The following INPP4B variants were observed in gnomAD, a reference collection of about 807,000 sequenced individuals.
INPP4B encodes inositol polyphosphate 4-phosphatase type II.
A neutral mutation model predicts 122.5 loss-of-function variants in INPP4B; 55 were observed. That is an observed-to-expected ratio of 0.45 (90% CI 0.36 to 0.56). The LOEUF (loss-of-function observed/expected upper bound fraction) is 0.56, where lower values mean the gene tolerates loss of function less well. Ranked by LOEUF, INPP4B falls within the 20% of genes least tolerant of loss-of-function variation. The pLI is 0.00. For missense variants in INPP4B, 1,000 were observed against 1,097.7 expected (o/e 0.91, Z 1.26); for synonymous variants, 403 against 388.7 (o/e 1.04, Z -0.43).
intron 2 of INPP4B, among the ~76,000 whole-genome samples, chr4:142,638,663 C>T (rs938528720): frequency 1.1e-4 from 16 of 151,712 alleles, no homozygotes; most frequent in African/African-American, 3.9e-4. Flanking sequence ...CCCACCTCAG[C>T]CTCCCAAGAG....
chr4:142,097,589 C>G (rs1782535615), intron 23 of INPP4B, among the ~76,000 whole-genome samples: 2 of 151,948 alleles, frequency 1.3e-5, no homozygotes, highest in South Asian at 2.1e-4. Context: ...TTATTTTGCC[C>G]TATAGTAGCC....
chr4:142,432,855 C>T (rs1426881724), intron 3 of INPP4B, among the ~76,000 whole-genome samples: 1 of 152,096 alleles, frequency 6.6e-6, no homozygotes, highest in East Asian at 1.9e-4. Context: ...CAAAATAACA[C>T]CTCAGCACAC....
intron 1 of INPP4B, among the ~76,000 whole-genome samples, chr4:142,749,338 C>T (rs1233445859): frequency 6.8e-6 from 1 of 146,460 alleles, no homozygotes; most frequent in Non-Finnish European, 1.5e-5. Context: ...TAAGACAATA[C>T]ATAAAAGTGG....
At chr4:142,289,635 G>A (rs185907480) in intron 9 of INPP4B, among the ~76,000 whole-genome samples, 1 of 152,162 alleles carries the variant, frequency 6.6e-6, no homozygotes, top group Non-Finnish European at 1.5e-5. Context: ...TGCAGTAGTT[G>A]GTTTTCTTTT....
intron 3 of INPP4B, among the ~76,000 whole-genome samples, chr4:142,441,429 G>A (rs1048194977): frequency 6.6e-6 from 1 of 152,100 alleles, no homozygotes; most frequent in Non-Finnish European, 1.5e-5. Context: ...TAACCTATCA[G>A]GAGAGAATAA....
chr4:142,214,319 T>C (rs1846129586), intron 12 of INPP4B, among the ~76,000 whole-genome samples: 1 of 152,154 alleles, frequency 6.6e-6, no homozygotes, highest in Admixed American at 6.5e-5. Context: ...ATAGCAGAGT[T>C]GTTTCTCACC....
intron 23 of INPP4B, among the ~76,000 whole-genome samples, chr4:142,102,532 G>A (rs1290136608): frequency 6.8e-6 from 1 of 146,968 alleles, no homozygotes; most frequent in Non-Finnish European, 1.5e-5. Context: ...GTGAGAGAAA[G>A]TGTTGTATCA....
intron 5 of INPP4B, among the ~76,000 whole-genome samples, chr4:142,416,050 G>A (rs1445182870): frequency 6.6e-6 from 1 of 152,036 alleles, no homozygotes; most frequent in Non-Finnish European, 1.5e-5. Context: ...TATACCTAAT[G>A]CTAAATGATG....
intron 9 of INPP4B, among the ~76,000 whole-genome samples, chr4:142,281,300 T>A (rs570862487): frequency 3.7e-4 from 56 of 151,354 alleles, no homozygotes; most frequent in Non-Finnish European, 5.0e-4. Flanking sequence ...GATACACTTA[T>A]AAGGCCAGGT....
At chr4:142,631,074 T>C (rs1307394909) in intron 2 of INPP4B, among the ~76,000 whole-genome samples, 2 of 152,026 alleles carry the variant, frequency 1.3e-5, no homozygotes, top group Non-Finnish European at 2.9e-5. Context: ...TAATCCAAAA[T>C]ATGGACACAA....
upstream of INPP4B, chr4:142,846,461 C>A (rs1039243513): frequency 2.0e-5 from 3 of 152,358 alleles, no homozygotes; most frequent in African/African-American, 2.4e-5. This position sits in a 1 kb window ranked among gnomAD's most constrained non-coding sequence, Gnocchi z 5.1. Context: ...CGGCCGCGCT[C>A]CCTGCTCGCT....
intron 25 of INPP4B, among the ~76,000 whole-genome samples, chr4:142,040,141 G>A (rs2152324325): frequency 6.6e-6 from 1 of 152,114 alleles, no homozygotes; most frequent in South Asian, 2.1e-4. Context: ...GGAGGAAGGA[G>A]AGGGAGAGAC....
At chr4:142,316,927 A>C (rs1415065056) in intron 7 of INPP4B, among the ~76,000 whole-genome samples, 2 of 152,202 alleles carry the variant, frequency 1.3e-5, no homozygotes, top group Non-Finnish European at 2.9e-5. Flanking sequence ...ATAATGCCCC[A>C]GTGTTTCTTG....
At chr4:142,288,214 T>C (rs1371299153) in intron 9 of INPP4B, among the ~76,000 whole-genome samples, 1 of 152,222 alleles carries the variant, frequency 6.6e-6, no homozygotes, top group Non-Finnish European at 1.5e-5. Flanking sequence ...TTAATATTGG[T>C]CATTATTTCT....
intron 2 of INPP4B, among the ~76,000 whole-genome samples, chr4:142,510,595 T>G (rs1413981411): frequency 6.6e-6 from 1 of 152,186 alleles, no homozygotes; most frequent in Non-Finnish European, 1.5e-5. Context: ...GCAAATTAAT[T>G]TGGCTTATTA....
intron 7 of INPP4B, among the ~76,000 whole-genome samples, chr4:142,395,406 T>C (rs1799037610): frequency 6.6e-6 from 1 of 152,202 alleles, no homozygotes; most frequent in South Asian, 2.1e-4. Flanking sequence ...TCAAGCGAAC[T>C]ATAAAAATAA....
intron 12 of INPP4B, among the ~76,000 whole-genome samples, chr4:142,234,424 C>G (rs1300235321): frequency 6.6e-6 from 1 of 151,932 alleles, no homozygotes; most frequent in African/African-American, 2.4e-5. Context: ...TTAGTTGGTT[C>G]TCTTTGTATA....
chr4:142,336,911 T>G (rs2151624474), intron 7 of INPP4B, among the ~76,000 whole-genome samples: 1 of 152,346 alleles, frequency 6.6e-6, no homozygotes, highest in Non-Finnish European at 1.5e-5. Flanking sequence ...TTCTGAGACT[T>G]TCTCCTAATA....
At chr4:142,226,400 T>C (rs1851603977) in intron 12 of INPP4B, among the ~76,000 whole-genome samples, 1 of 152,226 alleles carries the variant, frequency 6.6e-6, no homozygotes, top group African/African-American at 2.4e-5. Context: ...AAAGAGGTTG[T>C]TTTTTGATAG....
Sources: gnomAD v4.1 joint callset for allele counts (sites outside exome capture counted in the v4.1 genomes callset) on GRCh38, gnomAD v4.1.1 for gene constraint, Gnocchi (gnomAD v3.1) non-coding constraint, MANE v1.5 for transcripts, NCBI Gene and HGNC (gene_info 2026-07-23, HGNC 2026-07-21) for gene names.